The following SORCS1 variants were observed in gnomAD, a reference collection of about 807,000 sequenced individuals.
SORCS1 encodes the protein VPS10 domain-containing receptor SorCS1.
Under a neutral mutation model 146.1 loss-of-function variants are expected in SORCS1, and 60 were observed. The observed-to-expected ratio is 0.41, with a 90% confidence interval of 0.33 to 0.51. The LOEUF (loss-of-function observed/expected upper bound fraction) is 0.51, where lower values mean the gene tolerates loss of function less well. SORCS1 is among the 20% of genes least tolerant of loss of function. The pLI is 0.21. For missense variants in SORCS1, 1,352 were observed against 1,487.6 expected, an observed-to-expected ratio of 0.91 and a Z score of 1.50; for synonymous variants, 637 against 584.0, an observed-to-expected ratio of 1.09 and a Z score of -1.31.
chr10:106,653,049 C>G (rs1381121204), intron 17 of SORCS1, among the ~76,000 whole-genome samples: 1 of 152,158 alleles, frequency 6.6e-6, no homozygotes, highest in Non-Finnish European at 1.5e-5. Context: ...TGGTGTAGCA[C>G]AGAAAACACT....
At chr10:107,098,981 C>T (rs1257526923) in intron 1 of SORCS1, among the ~76,000 whole-genome samples, 2 of 152,278 alleles carry the variant, frequency 1.3e-5, no homozygotes, top group South Asian at 2.1e-4. Flanking sequence ...ACCAACAATG[C>T]GTACAGTACT....
intron 1 of SORCS1, among the ~76,000 whole-genome samples, chr10:107,016,567 T>C (rs993189977): frequency 6.6e-6 from 1 of 152,126 alleles, no homozygotes; most frequent in African/African-American, 2.4e-5. Context: ...GGCAACACAA[T>C]GAGATTTCTA....
chr10:106,827,610 G>T (rs1004163434), intron 3 of SORCS1, among the ~76,000 whole-genome samples: 1 of 152,054 alleles, frequency 6.6e-6, no homozygotes, highest in African/African-American at 2.4e-5. Flanking sequence ...TGTAAAAATC[G>T]ATACAAAGCC....
intron 2 of SORCS1, among the ~76,000 whole-genome samples, chr10:106,888,714 T>G (rs1951102111): frequency 6.6e-6 from 1 of 152,210 alleles, no homozygotes; most frequent in East Asian, 1.9e-4. Context: ...AATATCCTAT[T>G]TGCATGTCAA....
chr10:106,608,981 G>A (rs1399727638), intron 22 of SORCS1, among the ~76,000 whole-genome samples: 2 of 152,152 alleles, frequency 1.3e-5, no homozygotes, highest in Non-Finnish European at 2.9e-5. Context: ...AACCCAGCTG[G>A]TGAAGACTCT....
At chr10:106,717,537 G>A (rs1855464751) in intron 6 of SORCS1, among the ~76,000 whole-genome samples, 1 of 152,156 alleles carries the variant, frequency 6.6e-6, no homozygotes, top group South Asian at 2.1e-4. Context: ...CTTGATTTGG[G>A]ACCAGTGTAA....
At chr10:107,033,225 T>C (rs1478909221) in intron 1 of SORCS1, among the ~76,000 whole-genome samples, 1 of 152,110 alleles carries the variant, frequency 6.6e-6, no homozygotes, top group Non-Finnish European at 1.5e-5. Context: ...TCAGCAGATC[T>C]CGTGAGAACT....
chr10:106,989,014 A>G (rs1023617935), intron 1 of SORCS1, among the ~76,000 whole-genome samples: 1 of 151,484 alleles, frequency 6.6e-6, no homozygotes, highest in African/African-American at 2.4e-5. Flanking sequence ...TAATCCCAGC[A>G]CTTTGAGAGG....
chr10:106,875,335 T>A (rs1041294616), intron 2 of SORCS1, among the ~76,000 whole-genome samples: 2 of 152,252 alleles, frequency 1.3e-5, no homozygotes, highest in African/African-American at 4.8e-5. Flanking sequence ...GATGTATATA[T>A]ACCACGTTTT....
At chr10:106,594,604 A>G (rs938158384) in intron 24 of SORCS1, among the ~76,000 whole-genome samples, 1 of 152,190 alleles carries the variant, frequency 6.6e-6, no homozygotes, top group Non-Finnish European at 1.5e-5. Flanking sequence ...AATGGGAGAA[A>G]TAGGGTTAGT....
intron 1 of SORCS1, among the ~76,000 whole-genome samples, chr10:107,058,918 C>A (rs149542158): frequency 1.3e-5 from 2 of 152,094 alleles, no homozygotes. Context: ...AAGGTAAACA[C>A]AATTTTGCAA....
intron 2 of SORCS1, among the ~76,000 whole-genome samples, chr10:106,843,812 C>G (rs1054698714): frequency 1.3e-5 from 2 of 152,196 alleles, no homozygotes; most frequent in African/African-American, 4.8e-5. Flanking sequence ...ATTTCTCAGA[C>G]ACTTAGGTTG....
intron 2 of SORCS1, among the ~76,000 whole-genome samples, chr10:106,862,380 G>A (rs1179122069): frequency 1.3e-5 from 2 of 152,104 alleles, no homozygotes; most frequent in Non-Finnish European, 2.9e-5. Context: ...TCATTACAAT[G>A]TCTTTTAATA....
At chr10:107,071,850 G>A (rs1962452542) in intron 1 of SORCS1, among the ~76,000 whole-genome samples, 1 of 152,188 alleles carries the variant, frequency 6.6e-6, no homozygotes, top group South Asian at 2.1e-4. Flanking sequence ...AAGAGAACTT[G>A]AAGATATTAC....
intron 2 of SORCS1, among the ~76,000 whole-genome samples, chr10:106,943,085 G>A (rs1175456096): frequency 6.6e-6 from 1 of 152,158 alleles, no homozygotes; most frequent in Non-Finnish European, 1.5e-5. Context: ...ACAGACAGAT[G>A]TACCTTCTCA....
chr10:106,652,719 G>A (rs1206889265), intron 17 of SORCS1, among the ~76,000 whole-genome samples, 166 bp from the exon 18 acceptor site: 1 of 152,178 alleles, frequency 6.6e-6, no homozygotes, highest in Non-Finnish European at 1.5e-5. Context: ...GCACCCAACA[G>A]AGAGATAATC....
the SORCS1 span, among the ~76,000 whole-genome samples, chr10:107,173,051 T>C: frequency 1.3e-5 from 2 of 152,192 alleles, no homozygotes; most frequent in African/African-American, 2.4e-5. Context: ...AAGATGAAGA[T>C]AGAAATCTTT....
intron 23 of SORCS1, among the ~76,000 whole-genome samples, chr10:106,603,791 A>G (rs747312979): frequency 5.9e-5 from 9 of 152,236 alleles, no homozygotes; most frequent in Non-Finnish European, 1.3e-4. Context: ...TTATGATACC[A>G]GAAGTCAGTT....
At chr10:106,628,121 A>G (rs1461605872) in intron 19 of SORCS1, among the ~76,000 whole-genome samples, 1 of 152,198 alleles carries the variant, frequency 6.6e-6, no homozygotes, top group Non-Finnish European at 1.5e-5. Flanking sequence ...ACTTTGTCAG[A>G]CCCAAATAAA....
Sources: allele counts gnomAD v4.1 joint callset (sites outside exome capture counted in the v4.1 genomes callset), GRCh38; gene constraint gnomAD v4.1.1; transcripts MANE v1.5; gene names NCBI Gene and HGNC (gene_info 2026-07-23, HGNC 2026-07-21).